Variants in GSE1 observed in about 807,000 individuals in gnomAD.
GSE1 encodes the protein Gse1 coiled-coil protein.
Under a neutral mutation model 112.6 loss-of-function variants are expected in GSE1, and 32 were observed. That is an observed-to-expected ratio of 0.28 (90% CI 0.21 to 0.38). The LOEUF (loss-of-function observed/expected upper bound fraction) is 0.38. Ranked by LOEUF, GSE1 falls within the 10% of genes least tolerant of loss-of-function variation. The pLI, the probability that GSE1 is intolerant of heterozygous loss-of-function variation, is 1.00. For missense variants in GSE1, 2,348 were observed against 1,699.2 expected, an observed-to-expected ratio of 1.38 and a Z score of -6.71; for synonymous variants, 1,115 against 735.6, an observed-to-expected ratio of 1.52 and a Z score of -8.35.
At position 85,663,496 on chromosome 16, in the gene GSE1, A is replaced by G; in HGVS notation, c.2526A>G (p.Arg842=). 2 of 1,613,932 alleles carry G rather than the reference A, an allele frequency of 1.2e-6. No individual in the cohort carries two copies. Among genetic ancestry groups the G allele is most frequent in the Admixed American group, 1.7e-5 (1 of 60,016 alleles). Residue 842 remains arginine (R), a synonymous_variant, in exon 11 of 16, where the codon AGA becomes AGG. Coordinates refer to ENST00000253458, the MANE Select transcript of GSE1 (RefSeq NM_014615.5). ...IQSKRQTPSP[R]LALSTRYSPD... ...GCAAGCGGCAGACGCCTTCACCGAG[A>G]CTGGCGCTGTCTACCCGCTACAGCC...
intron 1 of GSE1, among the ~76,000 whole-genome samples, chr16:85,570,530 G>T (rs1346367415): frequency 2.6e-5 from 4 of 152,222 alleles, no homozygotes; most frequent in African/African-American, 9.6e-5. Context: ...CACCTGCCTG[G>T]CTTTTCATCT....
intron 2 of GSE1, among the ~76,000 whole-genome samples, chr16:85,381,226 G>A (rs1398129530): frequency 1.3e-4 from 20 of 152,174 alleles, no homozygotes; most frequent in Non-Finnish European, 1.5e-5. Context: ...TTTGTGTCTG[G>A]CTTCTTTCAC....
chr16:85,565,333 G>T (rs1259017730), intron 1 of GSE1, among the ~76,000 whole-genome samples: 1 of 151,290 alleles, frequency 6.6e-6, no homozygotes, highest in East Asian at 1.9e-4. Flanking sequence ...GGAGGTTGCA[G>T]TGAGACGAGA....
At chr16:85,245,229 A>G (rs1469521890) in intron 1 of GSE1, among the ~76,000 whole-genome samples, 3 of 152,192 alleles carry the variant, frequency 2.0e-5, no homozygotes. Context: ...GTAGCCAGTG[A>G]GAAATTTCTG....
intron 1 of GSE1, among the ~76,000 whole-genome samples, chr16:85,196,099 A>G (rs892878663): frequency 4.6e-5 from 7 of 152,222 alleles, no homozygotes; most frequent in Admixed American, 3.3e-4. Flanking sequence ...AGGGCTCTAA[A>G]TAGTCTCAGG....
chr16:85,604,314 G>T (rs1407006192), intron 1 of GSE1, among the ~76,000 whole-genome samples: 1 of 152,180 alleles, frequency 6.6e-6, no homozygotes, highest in East Asian at 1.9e-4. Context: ...AGGTTCATCT[G>T]TGTTGTAGCG....
At chr16:85,514,435 C>T (rs1316298819) in intron 2 of GSE1, among the ~76,000 whole-genome samples, 1 of 105,142 alleles carries the variant, frequency 9.5e-6, no homozygotes, top group Non-Finnish European at 1.8e-5. Flanking sequence ...GTCCCCCCCC[C>T]CACCCCAGGG....
Position 85,634,016 on chromosome 16 carries a change from C to A in GSE1, c.110C>A (p.Ala37Asp). 6.2e-7 allele frequency: 1 copy of A among 1,612,056 alleles called. No homozygotes were observed. The highest frequency in any genetic ancestry group is 8.5e-7 in the Non-Finnish European group (1 of 1,179,244). The change falls in exon 2 of 16, where the codon GCC becomes GAC. Residue 37 changes from alanine (A) to aspartate (D), a missense_variant. Transcript: ENST00000253458. Reference sequence around the variant, plus strand: ...CTCACCCCCTCGCCGCTCAATGGCGCCCTGGTGCCCAGCGGCAGCCCCGCC... The same window carrying A: ...CTCACCCCCTCGCCGCTCAATGGCGACCTGGTGCCCAGCGGCAGCCCCGCC... ...NPLTPSPLNG[A>D]LVPSGSPATS...
intron 1 of GSE1, among the ~76,000 whole-genome samples, chr16:85,182,632 C>T (rs1050075365): frequency 6.6e-6 from 1 of 152,194 alleles, no homozygotes; most frequent in Admixed American, 6.5e-5. Context: ...ACCTGGAGCA[C>T]GCTGACTGCT....
At chr16:85,585,679 A>T (rs1297899460) in intron 1 of GSE1, among the ~76,000 whole-genome samples, 1 of 152,176 alleles carries the variant, frequency 6.6e-6, no homozygotes, top group East Asian at 1.9e-4. Flanking sequence ...CTCTTCCTGC[A>T]TGGCCATGGG....
chr16:85,640,263 G>A lies in GSE1; in HGVS notation c.226+6131G>A, dbSNP rs529743487. Among the ~76,000 whole-genome samples, 6 of 152,318 alleles carry A rather than the reference G, an allele frequency of 3.9e-5. No homozygotes were observed. The East Asian group carries it at 5.8e-4, about 15-fold the overall frequency. ...GCCCACACTTCGCTCCCTTAACACC[G>A]GCCGGGGGCTCATGGTACCTGCCCT... On this transcript the variant is annotated intron_variant, in intron 2 of 15. Coordinates refer to ENST00000253458, the MANE Select transcript of GSE1 (RefSeq NM_014615.5).
intron 1 of GSE1, among the ~76,000 whole-genome samples, chr16:85,277,546 G>T (rs978541096): frequency 6.6e-6 from 1 of 152,178 alleles, no homozygotes; most frequent in Non-Finnish European, 1.5e-5. Flanking sequence ...CTCCGGTGTT[G>T]CCTGTGATGC....
intron 14 of GSE1, 84 bp downstream of exon 14, chr16:85,668,508 T>G: frequency 1.1e-6 from 1 of 900,054 alleles, no homozygotes; most frequent in Non-Finnish European, 1.7e-6. Flanking sequence ...CATGCAGACC[T>G]CTGCCAGCCT....
At chr16:85,411,178 C>G (rs68156631) in intron 2 of GSE1, among the ~76,000 whole-genome samples, 8 of 66,782 alleles carry the variant, frequency 1.2e-4, no homozygotes, top group South Asian at 5.2e-4. Context: ...TACACTCAGG[C>G]CCCCCGGATA....
intron 2 of GSE1, among the ~76,000 whole-genome samples, chr16:85,361,934 G>A (rs745911152): frequency 4.6e-5 from 7 of 152,268 alleles, no homozygotes; most frequent in Non-Finnish European, 1.0e-4. Flanking sequence ...CGTGTCCAGA[G>A]TGGGGCCACT....
chr16:85,571,187 G>C (rs1466856249), intron 1 of GSE1, among the ~76,000 whole-genome samples: 3 of 152,182 alleles, frequency 2.0e-5, no homozygotes, highest in Non-Finnish European at 4.4e-5. Flanking sequence ...TCCCTCCCTT[G>C]AGCCCCGGAG....
At chr16:85,180,353 C>G (rs1567592175) in intron 1 of GSE1, among the ~76,000 whole-genome samples, 2 of 152,096 alleles carry the variant, frequency 1.3e-5, no homozygotes, top group African/African-American at 2.4e-5. Context: ...CAAAGGCGGC[C>G]CCTCAAAGGT....
chr16:85,637,779 C>G (rs1056643051), intron 2 of GSE1, among the ~76,000 whole-genome samples: 2 of 151,590 alleles, frequency 1.3e-5, no homozygotes, highest in African/African-American at 4.8e-5. Flanking sequence ...GTGAAAGCCA[C>G]ACCTGCCGGG....
intron 1 of GSE1, among the ~76,000 whole-genome samples, chr16:85,185,981 C>T (rs939095056): frequency 6.6e-6 from 1 of 152,224 alleles, no homozygotes. Context: ...AGCAGTTTCA[C>T]GGGCCTTACT....
Sources: gnomAD v4.1 joint callset for allele counts (sites outside exome capture counted in the v4.1 genomes callset) on GRCh38, gnomAD v4.1.1 for gene constraint, MANE v1.5 for transcripts, NCBI Gene and HGNC (gene_info 2026-07-23, HGNC 2026-07-21) for gene names.